RAD51B: variants seen among roughly 807,000 people sequenced by gnomAD.
The protein encoded by RAD51B is DNA repair protein RAD51 homolog 2.
RAD51B carries 38 observed loss-of-function variants against 42.2 expected under a neutral mutation model. The ratio of observed to expected loss-of-function variants is 0.90; its 90% CI spans 0.70 to 1.18. The LOEUF (loss-of-function observed/expected upper bound fraction) is 1.18. Ranked by LOEUF, RAD51B falls within the 50% of genes most tolerant of loss-of-function variation. The pLI is 0.00. For missense variants in RAD51B, 373 were observed against 400.7 expected (o/e 0.93, Z 0.59); for synonymous variants, 154 against 145.2 (o/e 1.06, Z -0.43).
In RAD51B at chr14:68,092,613, G is replaced by A. The variant is rs559685509; in HGVS notation, c.757-199271G>A. ...GGAGATTTTGGGTTGCGACGATGGG[G>A]TTTTCTAGATATACAATCATGTCAT... On this transcript the variant is annotated intron_variant, in intron 7 of 10. Transcript: ENST00000471583. Among the ~76,000 whole-genome samples, 4 of 152,274 alleles carry A rather than the reference G, an allele frequency of 2.6e-5. No individual in the cohort carries two copies. The South Asian group carries it at 8.3e-4, about 32-fold the overall frequency.
intron 7 of RAD51B, among the ~76,000 whole-genome samples, chr14:67,900,625 T>A (rs375043456): frequency 7.4e-6 from 1 of 135,586 alleles, no homozygotes; most frequent in Non-Finnish European, 1.6e-5. Flanking sequence ...TGTGTGTGTG[T>A]CATACACACA....
intron 4 of RAD51B, among the ~76,000 whole-genome samples, chr14:67,852,999 G>A (rs1011200719): frequency 6.6e-6 from 1 of 152,132 alleles, no homozygotes; most frequent in Non-Finnish European, 1.5e-5. Flanking sequence ...TAGAAGTAGT[G>A]AGCTTTCTCT....
intron 7 of RAD51B, among the ~76,000 whole-genome samples, chr14:68,116,958 T>G (rs2077559850): frequency 6.6e-6 from 1 of 152,192 alleles, no homozygotes; most frequent in African/African-American, 2.4e-5. Context: ...TACAAAATGT[T>G]TTACAGCCAT....
At chr14:68,302,492 T>TCCAGGCAGGGTGTAGAG (rs138361575) in intron 8 of RAD51B, among the ~76,000 whole-genome samples, 86,248 of 151,366 alleles carry the variant, frequency 0.57, 25,446 homozygotes, top group Admixed American at 0.67. Context: ...CGTCATGGAA[T>TCCAGGCAGGGTGTAGAG]CCAGGCAGGG....
chr14:68,437,694 G>A (rs1275416034), intron 9 of RAD51B, among the ~76,000 whole-genome samples: 1 of 152,090 alleles, frequency 6.6e-6, no homozygotes, highest in Non-Finnish European at 1.5e-5. Context: ...CTTCTATGAA[G>A]AGCCATAGTA....
At chr14:67,954,660 A>T (rs28408783) in intron 7 of RAD51B, among the ~76,000 whole-genome samples, 9,095 of 152,270 alleles carry the variant, frequency 0.06, 631 homozygotes, top group African/African-American at 0.17. Flanking sequence ...ACTTTCCAAC[A>T]CAGACTACTC....
intron 10 of RAD51B, among the ~76,000 whole-genome samples, chr14:68,518,854 C>A (rs1007073197): frequency 1.3e-5 from 2 of 151,982 alleles, no homozygotes; most frequent in African/African-American, 4.8e-5. Context: ...AGCCAGTAAC[C>A]AAAACAAACC....
chr14:68,534,890 T>C (rs1887526057), intron 10 of RAD51B, among the ~76,000 whole-genome samples: 1 of 152,176 alleles, frequency 6.6e-6, no homozygotes, highest in Non-Finnish European at 1.5e-5. Context: ...TAGTAGCTAA[T>C]ATTTATTGAG....
At chr14:68,169,332 G>A (rs756235485) in intron 7 of RAD51B, among the ~76,000 whole-genome samples, 7 of 151,988 alleles carry the variant, frequency 4.6e-5, no homozygotes, top group Non-Finnish European at 1.0e-4. Flanking sequence ...TGTTGTTGTC[G>A]TTTAGTGCCC....
At chr14:68,654,051 T>G (rs1892758998) in intron 11 of RAD51B, among the ~76,000 whole-genome samples, 1 of 152,220 alleles carries the variant, frequency 6.6e-6, no homozygotes, top group African/African-American at 2.4e-5. Flanking sequence ...GGAGCATGAT[T>G]GTTGGCATGA....
At chr14:68,338,001 A>C (rs2082492735) in intron 8 of RAD51B, among the ~76,000 whole-genome samples, 1 of 152,026 alleles carries the variant, frequency 6.6e-6, no homozygotes, top group Admixed American at 6.6e-5. Context: ...TATATTGCCC[A>C]GGCTGGTCTT....
intron 7 of RAD51B, among the ~76,000 whole-genome samples, chr14:68,247,309 G>A (rs918130171): frequency 2.0e-5 from 3 of 151,498 alleles, no homozygotes; most frequent in African/African-American, 7.3e-5. Flanking sequence ...TTACATTATA[G>A]CTAGTCTATC....
intron 8 of RAD51B, among the ~76,000 whole-genome samples, chr14:68,376,406 T>C (rs1164391118): frequency 6.6e-6 from 1 of 152,240 alleles, no homozygotes; most frequent in Non-Finnish European, 1.5e-5. Context: ...AGCTTGAGTC[T>C]TGTCCTCAGC....
intron 10 of RAD51B, among the ~76,000 whole-genome samples, chr14:68,579,076 G>A (rs1195550183): frequency 1.3e-5 from 2 of 152,182 alleles, no homozygotes; most frequent in African/African-American, 2.4e-5. Context: ...ACTGATGCCA[G>A]ATTCAGCTCT....
rs137857161 is a variant in RAD51B, at chr14:68,234,391, A to G, written c.757-57493A>G. Among the ~76,000 whole-genome samples the G allele has an allele frequency of 1.4e-4, 21 of 152,370 alleles. 1 individual carries two copies. The East Asian group carries it at 3.9e-3, about 28-fold the overall frequency. On this transcript the variant is annotated intron_variant, in intron 7 of 10. Transcript: ENST00000471583. The stretch of plus-strand genomic sequence containing the variant: ...AAAGCTGAGAAGTATCTGAATTACA[A>G]TTATGCATCACTTAATGATAGGAAT...
chr14:68,200,780 A>G (rs945762228), intron 7 of RAD51B, among the ~76,000 whole-genome samples: 2 of 152,098 alleles, frequency 1.3e-5, no homozygotes, highest in Non-Finnish European at 2.9e-5. Flanking sequence ...CAGCCTCCCA[A>G]GTAACTGGGA....
intron 7 of RAD51B, among the ~76,000 whole-genome samples, chr14:68,244,424 T>A (rs1260377384): frequency 6.6e-6 from 1 of 152,198 alleles, no homozygotes; most frequent in Non-Finnish European, 1.5e-5. Flanking sequence ...GAGCTCTCTT[T>A]CCCATTGTTT....
At position 68,549,409 on chromosome 14, in the gene RAD51B, ATTTTTTTTTT is replaced by A. The variant is rs71129897; in HGVS notation, c.1037-45061_1037-45052del. On this transcript the variant is annotated intron_variant, in intron 10 of 10. Transcript: ENST00000487270. The stretch of plus-strand genomic sequence containing the variant: ...AGTGCTTCATCCATGCCCTGGACAC[ATTTTTTTTTT>A]TTTTTTTTTTTTTTGAGACGGAGTT... Among the ~76,000 whole-genome samples, 23 of 63,578 alleles carry A rather than the reference ATTTTTTTTTT, an allele frequency of 3.6e-4. 1 individual carries two copies. The highest frequency in any genetic ancestry group is 7.4e-4 in the South Asian group (1 of 1,348). 41.7% of individuals were successfully genotyped at this position (63,578 alleles called of 152,430 possible). A position where few individuals can be genotyped will look rare whatever the true frequency, so the allele number is the denominator to read the frequency against.
chr14:68,352,221 G>A (rs1270082381), intron 8 of RAD51B, among the ~76,000 whole-genome samples: 1 of 152,222 alleles, frequency 6.6e-6, no homozygotes, highest in Non-Finnish European at 1.5e-5. Flanking sequence ...ATGGTATTGG[G>A]TGAGGAAAGA....
Sources: gnomAD v4.1 joint callset for allele counts (sites outside exome capture counted in the v4.1 genomes callset) on GRCh38, gnomAD v4.1.1 for gene constraint, MANE v1.5 for transcripts, NCBI Gene and HGNC (gene_info 2026-07-23, HGNC 2026-07-21) for gene names.